The following CDH18 variants were observed in gnomAD, a reference collection of about 807,000 sequenced individuals.
CDH18 encodes cadherin-18.
CDH18 carries 31 observed loss-of-function variants against 67.9 expected under a neutral mutation model. The observed-to-expected ratio is 0.46, with a 90% CI of 0.34 to 0.62. CDH18 has a LOEUF of 0.62. Ranked by LOEUF, CDH18 falls within the 20% of genes least tolerant of loss-of-function variation. The probability of loss-of-function intolerance (pLI) is 0.01; values close to 1 mark genes in which losing one functional copy is unlikely to be tolerated. For missense variants in CDH18, 890 were observed against 975.5 expected, an observed-to-expected ratio of 0.91 and a Z score of 1.17; for synonymous variants, 362 against 347.2, an observed-to-expected ratio of 1.04 and a Z score of -0.48.
chr5:20,373,797 T>C (rs1743198487), intron 1 of CDH18, among the ~76,000 whole-genome samples: 1 of 152,114 alleles, frequency 6.6e-6, no homozygotes, highest in South Asian at 2.1e-4. Context: ...CAAAATCTGT[T>C]TGAACATTTC....
chr5:20,263,394 A>T (rs1744807280), intron 1 of CDH18, among the ~76,000 whole-genome samples: 1 of 152,182 alleles, frequency 6.6e-6, no homozygotes, highest in East Asian at 1.9e-4. Context: ...ACTCGTTAGC[A>T]TTTGTTGCCA....
intron 10 of CDH18, among the ~76,000 whole-genome samples, chr5:19,517,837 A>G (rs1368404774): frequency 6.6e-6 from 1 of 151,388 alleles, no homozygotes; most frequent in East Asian, 1.9e-4. Context: ...TCTTATTTAT[A>G]TTTTCTTTTT....
chr5:19,772,899 T>A lies in CDH18; in HGVS notation c.229-25663A>T, dbSNP rs536822195. 1.7e-4 allele frequency among the ~76,000 whole-genome samples: 26 copies of A among 152,298 alleles called. No homozygotes were observed. In the South Asian group the frequency reaches 2.1e-3, roughly 12 times the overall value. On this transcript the variant is annotated intron_variant, in intron 3 of 12. Transcript: ENST00000382275. Reference sequence around the variant, plus strand: ...TAAATACATTTTTGCATCTTCTGCATTGGTTATATACTAAATGACCAAAAT... The same window carrying A: ...TAAATACATTTTTGCATCTTCTGCAATGGTTATATACTAAATGACCAAAAT...
chr5:20,462,235 C>T (rs765215343), intron 1 of CDH18, among the ~76,000 whole-genome samples: 27 of 152,080 alleles, frequency 1.8e-4, no homozygotes, highest in Non-Finnish European at 3.4e-4. Flanking sequence ...CCAGAAGTCA[C>T]TGTGTTAAAT....
chr5:20,359,501 A>G (rs1199729421), intron 1 of CDH18, among the ~76,000 whole-genome samples: 1 of 152,138 alleles, frequency 6.6e-6, no homozygotes, highest in East Asian at 1.9e-4. Flanking sequence ...CTCTTGGTTC[A>G]TATTTTCTTT....
chr5:19,946,666 A>G (rs1317120635), intron 2 of CDH18, among the ~76,000 whole-genome samples: 2 of 152,176 alleles, frequency 1.3e-5, no homozygotes, highest in Admixed American at 1.3e-4. Flanking sequence ...CAAACACTTA[A>G]AGAAAAGTTA....
intron 2 of CDH18, among the ~76,000 whole-genome samples, chr5:19,908,709 G>A (rs1243785545): frequency 2.0e-5 from 3 of 152,076 alleles, no homozygotes; most frequent in Non-Finnish European, 4.4e-5. Context: ...ATTTTCATCT[G>A]AGCTGAGATT....
chr5:19,493,040 C>T (rs749591211), intron 11 of CDH18, among the ~76,000 whole-genome samples: 5 of 152,122 alleles, frequency 3.3e-5, no homozygotes, highest in Non-Finnish European at 7.4e-5. Flanking sequence ...ATTGACGCTG[C>T]ATTCTGTCAT....
intron 1 of CDH18, among the ~76,000 whole-genome samples, chr5:20,386,603 G>C (rs1744329986): frequency 6.6e-6 from 1 of 152,092 alleles, no homozygotes; most frequent in South Asian, 2.1e-4. Context: ...CAAGTATACA[G>C]CAGGAGTAAG....
intron 1 of CDH18, among the ~76,000 whole-genome samples, chr5:20,572,651 A>G (rs1758879076): frequency 6.6e-6 from 1 of 152,158 alleles, no homozygotes; most frequent in African/African-American, 2.4e-5. Flanking sequence ...AAAACACTTC[A>G]AGAAAGCTCT....
chr5:20,390,329 G>A (rs932945488), intron 1 of CDH18, among the ~76,000 whole-genome samples: 10 of 152,106 alleles, frequency 6.6e-5, no homozygotes, highest in Admixed American at 6.6e-4. Context: ...GTAGGCAAAG[G>A]ATATGAACAG....
intron 5 of CDH18, among the ~76,000 whole-genome samples, chr5:19,655,584 TTCTC>T (rs149379609): frequency 0.01 from 1,540 of 152,272 alleles, 22 homozygotes; most frequent in African/African-American, 0.036. Context: ...AATGTTTTCT[TTCTC>T]TCATATTTAG....
At chr5:20,349,006 T>C (rs1034238477) in intron 1 of CDH18, among the ~76,000 whole-genome samples, 1 of 152,176 alleles carries the variant, frequency 6.6e-6, no homozygotes, top group African/African-American at 2.4e-5. Flanking sequence ...GCATTGGAAA[T>C]GTGTATTTAC....
intron 5 of CDH18, among the ~76,000 whole-genome samples, chr5:19,620,345 C>G (rs1580534906): frequency 6.6e-6 from 1 of 152,228 alleles, no homozygotes; most frequent in South Asian, 2.1e-4. Flanking sequence ...AAAAGAAAAG[C>G]TCGAAATGTC....
At chr5:20,236,917 T>G (rs1742516262) in intron 2 of CDH18, among the ~76,000 whole-genome samples, 1 of 151,990 alleles carries the variant, frequency 6.6e-6, no homozygotes, top group African/African-American at 2.4e-5. Context: ...CAGTTTCAAA[T>G]AACATGCTAG....
chr5:19,771,316 A>C (rs536692624), intron 3 of CDH18, among the ~76,000 whole-genome samples: 5 of 152,154 alleles, frequency 3.3e-5, no homozygotes, highest in Admixed American at 6.5e-5. Context: ...TGTCATGCTT[A>C]CTCCCTCTTA....
chr5:20,006,567 T>TA (rs1736918822), intron 2 of CDH18, among the ~76,000 whole-genome samples: 3 of 151,972 alleles, frequency 2.0e-5, no homozygotes, highest in Admixed American at 2.0e-4. Flanking sequence ...ACTGATGAAA[T>TA]ATGAACTTGC....
intron 9 of CDH18, among the ~76,000 whole-genome samples, chr5:19,529,775 T>C (rs1255581773): frequency 1.3e-5 from 2 of 152,096 alleles, no homozygotes; most frequent in African/African-American, 2.4e-5. Flanking sequence ...CATATGTTGC[T>C]TTGAGAAATG....
At chr5:19,785,107 T>C (rs1775561675) in intron 3 of CDH18, among the ~76,000 whole-genome samples, 1 of 152,138 alleles carries the variant, frequency 6.6e-6, no homozygotes, top group Non-Finnish European at 1.5e-5. Context: ...CAGGACTTCT[T>C]GAGACTATTC....
Sources: gnomAD v4.1 joint callset for allele counts (sites outside exome capture counted in the v4.1 genomes callset) on GRCh38, gnomAD v4.1.1 for gene constraint, MANE v1.5 for transcripts, NCBI Gene and HGNC (gene_info 2026-07-23, HGNC 2026-07-21) for gene names.